Variants in UNC5D observed in about 807,000 individuals in gnomAD.
The protein encoded by UNC5D is netrin receptor UNC5D.
A neutral mutation model predicts 105.4 loss-of-function variants in UNC5D; 39 were observed. The observed-to-expected ratio is 0.37, with a 90% CI of 0.29 to 0.48. The LOEUF (loss-of-function observed/expected upper bound fraction) is 0.48. Among genes scored for constraint, UNC5D ranks in the 20% least tolerant of loss-of-function variants. The pLI, the probability that UNC5D is intolerant of heterozygous loss-of-function variation, is 0.98. For missense variants in UNC5D, 991 were observed against 1,202.4 expected (o/e 0.82, Z 2.60); for synonymous variants, 452 against 450.4 (o/e 1.00, Z -0.04).
At chr8:35,261,358 C>T (rs747838480) in intron 1 of UNC5D, among the ~76,000 whole-genome samples, 1 of 152,222 alleles carries the variant, frequency 6.6e-6, no homozygotes, top group Non-Finnish European at 1.5e-5. Context: ...CTATTTTATG[C>T]CACACAAGCA....
chr8:35,587,057 T>C (rs886561961), intron 3 of UNC5D, among the ~76,000 whole-genome samples: 2 of 152,222 alleles, frequency 1.3e-5, no homozygotes, highest in African/African-American at 2.4e-5. Context: ...TGGCAGGTAC[T>C]GCTGACTCTG....
At chr8:35,258,031 C>T (rs1277663143) in intron 1 of UNC5D, among the ~76,000 whole-genome samples, 1 of 152,134 alleles carries the variant, frequency 6.6e-6, no homozygotes. Context: ...GTAGTTTATA[C>T]ATAGTAGACA....
At chr8:35,448,795 G>C (rs1807961194) in intron 1 of UNC5D, among the ~76,000 whole-genome samples, 1 of 152,046 alleles carries the variant, frequency 6.6e-6, no homozygotes, top group African/African-American at 2.4e-5. Context: ...CTTAATATCT[G>C]TTATTCTATA....
rs542095527 is a variant in UNC5D, at chr8:35,364,140, T to C, written c.103+128253T>C. 7.2e-5 allele frequency among the ~76,000 whole-genome samples: 11 copies of C among 152,286 alleles called. 1 individual carries two copies. In the South Asian group the frequency reaches 2.1e-3, roughly 29 times the overall value. On this transcript the variant is annotated intron_variant, in intron 1 of 16. Coordinates refer to ENST00000404895, the MANE Select transcript of UNC5D (RefSeq NM_080872.4). ...GAGGTCATGCCACTGCACTTCAGCC[T>C]GGGTGACAGAGCGAGACTTTGTCTC...
At chr8:35,535,852 A>G (rs2130590120) in intron 1 of UNC5D, among the ~76,000 whole-genome samples, 1 of 152,326 alleles carries the variant, frequency 6.6e-6, no homozygotes, top group African/African-American at 2.4e-5. Context: ...TGCCTATTAT[A>G]TGCCTACAAT....
At chr8:35,419,566 G>A (rs569319836) in intron 1 of UNC5D, among the ~76,000 whole-genome samples, 116 of 152,262 alleles carry the variant, frequency 7.6e-4, no homozygotes, top group Admixed American at 7.1e-3. Flanking sequence ...CCCAAGGTCC[G>A]AGCCCCCAAG....
At chr8:35,436,088 T>C (rs1217878748) in intron 1 of UNC5D, among the ~76,000 whole-genome samples, 1 of 152,080 alleles carries the variant, frequency 6.6e-6, no homozygotes, top group Non-Finnish European at 1.5e-5. Context: ...GATTATTCTG[T>C]GACTTCAATT....
At chr8:35,710,630 A>G (rs569341793) in intron 8 of UNC5D, among the ~76,000 whole-genome samples, 1 of 152,258 alleles carries the variant, frequency 6.6e-6, no homozygotes, top group Admixed American at 6.5e-5. Context: ...TGAATAGAGA[A>G]GAGAAAAGAC....
intron 3 of UNC5D, among the ~76,000 whole-genome samples, chr8:35,579,300 TACTA>T (rs1818319693): frequency 6.6e-6 from 1 of 152,182 alleles, no homozygotes; most frequent in Admixed American, 6.5e-5. Flanking sequence ...GGTGAAAGAA[TACTA>T]ACTAAGGTGT....
chr8:35,750,345 C>T (rs1240306413), intron 12 of UNC5D, among the ~76,000 whole-genome samples: 1 of 151,162 alleles, frequency 6.6e-6, no homozygotes, highest in Non-Finnish European at 1.5e-5. Context: ...CCTGCCTCAG[C>T]CTCCCAAAGT....
intron 13 of UNC5D, among the ~76,000 whole-genome samples, chr8:35,752,627 A>T (rs936628441): frequency 6.6e-6 from 1 of 152,158 alleles, no homozygotes; most frequent in African/African-American, 2.4e-5. Context: ...TTGTCATTTA[A>T]TACTCTTCCT....
chr8:35,491,495 A>G (rs980283450), intron 1 of UNC5D, among the ~76,000 whole-genome samples: 6 of 152,164 alleles, frequency 3.9e-5, no homozygotes, highest in Non-Finnish European at 8.8e-5. Flanking sequence ...CATATTAACT[A>G]ATTTTTCAAA....
At chr8:35,582,927 G>A (rs748150729) in intron 3 of UNC5D, among the ~76,000 whole-genome samples, 9 of 152,188 alleles carry the variant, frequency 5.9e-5, no homozygotes, top group Non-Finnish European at 1.2e-4. Flanking sequence ...TTAAAACTTT[G>A]TCCCTTCAAC....
At chr8:35,287,432 A>G (rs1806682031) in intron 1 of UNC5D, among the ~76,000 whole-genome samples, 1 of 152,192 alleles carries the variant, frequency 6.6e-6, no homozygotes, top group Admixed American at 6.5e-5. Context: ...TGGAAGAAAC[A>G]AATAAAAAAA....
At chr8:35,741,186 A>G (rs1472451682) in intron 11 of UNC5D, among the ~76,000 whole-genome samples, 1 of 152,184 alleles carries the variant, frequency 6.6e-6, no homozygotes, top group Non-Finnish European at 1.5e-5. Flanking sequence ...CCTTTAGTAT[A>G]TTAATTGGTA....
chr8:35,538,391 A>T (rs1417230042), intron 1 of UNC5D, among the ~76,000 whole-genome samples: 1 of 105,686 alleles, frequency 9.5e-6, no homozygotes, highest in Non-Finnish European at 1.8e-5. Flanking sequence ...TTAAAAAAAA[A>T]TAATTATATA....
rs568393361 is a variant in UNC5D at position 35,502,366 on chromosome 8, G to A, written c.104-46926G>A. Among the ~76,000 whole-genome samples, 6 of 152,292 alleles carry A rather than the reference G, an allele frequency of 3.9e-5. No homozygotes were observed. In the East Asian group the frequency reaches 5.8e-4, roughly 15 times the overall value. ...ATCTAAGCAGAGTTGTCACACATGCGTGTGGCAGGATCAAATTTCAGGACT... is the reference window on the plus strand; with the variant it reads ...ATCTAAGCAGAGTTGTCACACATGCATGTGGCAGGATCAAATTTCAGGACT... On this transcript the variant is annotated intron_variant, in intron 1 of 16. Coordinates refer to ENST00000404895, the MANE Select transcript of UNC5D (RefSeq NM_080872.4).
chr8:35,590,497 G>T (rs1325946663), intron 3 of UNC5D, among the ~76,000 whole-genome samples: 1 of 151,932 alleles, frequency 6.6e-6, no homozygotes, highest in Non-Finnish European at 1.5e-5. Context: ...CTTAATTTAT[G>T]TGTCACTTTA....
At chr8:35,255,180 G>A (rs892643267) in intron 1 of UNC5D, 12 of 152,122 alleles carry the variant, frequency 7.9e-5, no homozygotes, top group South Asian at 2.1e-4. Flanking sequence ...ACACTCTAGC[G>A]TTGCTCTTCT....
Sources: gnomAD v4.1 joint callset for allele counts (sites outside exome capture counted in the v4.1 genomes callset) on GRCh38, gnomAD v4.1.1 for gene constraint, MANE v1.5 for transcripts, NCBI Gene and HGNC (gene_info 2026-07-23, HGNC 2026-07-21) for gene names.